Variants in AFF2 observed in about 807,000 individuals in gnomAD.
AFF2 encodes the protein ALF transcription elongation factor 2, also known as AF4/FMR2 family member 2.
Under a neutral mutation model 76.9 loss-of-function variants are expected in AFF2, and 14 were observed. That is an observed-to-expected ratio of 0.18 (90% CI 0.12 to 0.28). The LOEUF is 0.28. Among genes scored for constraint, AFF2 ranks in the 10% least tolerant of loss-of-function variants. The probability of loss-of-function intolerance (pLI) is 1.00; values close to 1 mark genes in which losing one functional copy is unlikely to be tolerated. For missense variants in AFF2, 868 were observed against 1,001.1 expected (o/e 0.87, Z 1.79); for synonymous variants, 398 against 366.7 (o/e 1.09, Z -0.98).
rs1409308889 is a variant in AFF2, at chrX:148,775,051, C to T, written c.1042-34825C>T. On this transcript the variant is annotated intron_variant, in intron 3 of 20. Transcript: ENST00000370460. ...TGTTTATTCATGCAAATGGATACAC[C>T]TTTAGTGAAAAGCTCTACAAAGTAG... is the stretch of plus-strand genomic sequence containing the variant. 7.2e-5 allele frequency among the ~76,000 whole-genome samples: 8 copies of T among 111,624 alleles called. No individual in the cohort carries two copies. In the East Asian group the frequency reaches 2.3e-3, roughly 32 times the overall value.
intron 1 of AFF2, among the ~76,000 whole-genome samples, chrX:148,577,479 T>C (rs2053303213): frequency 8.9e-6 from 1 of 112,244 alleles, no homozygotes; most frequent in African/African-American, 3.2e-5. Context: ...ACAACTGCAG[T>C]GTCTAAGGCT....
intron 16 of AFF2, among the ~76,000 whole-genome samples, chrX:148,975,943 CAAAAAA>C (rs59057839): frequency 8.8e-5 from 2 of 22,719 alleles, no homozygotes; most frequent in South Asian, 5.3e-3. Flanking sequence ...GACTCCGTCT[CAAAAAA>C]AAAAAAAAAA....
At chrX:148,684,686 T>C (rs1032751130) in intron 3 of AFF2, among the ~76,000 whole-genome samples, 13 of 112,033 alleles carry the variant, frequency 1.2e-4, no homozygotes, top group Non-Finnish European at 2.4e-4. Context: ...GCTCCTAAGA[T>C]TGCAAATGAA....
At chrX:148,942,693 G>A (rs1557285703) in intron 9 of AFF2, among the ~76,000 whole-genome samples, 1 of 110,283 alleles carries the variant, frequency 9.1e-6, no homozygotes, top group Non-Finnish European at 1.9e-5. Context: ...GCACACACTT[G>A]TGGTCCCAGC....
intron 7 of AFF2, among the ~76,000 whole-genome samples, chrX:148,884,324 C>T (rs1406568122): frequency 3.6e-5 from 4 of 112,368 alleles, no homozygotes; most frequent in African/African-American, 9.7e-5. Context: ...CCTCAGTGTA[C>T]ACATTCTAGT....
intron 1 of AFF2, among the ~76,000 whole-genome samples, chrX:148,517,977 C>T (rs141616622): frequency 9.6e-4 from 100 of 104,549 alleles, no homozygotes; most frequent in Non-Finnish European, 1.8e-3. Context: ...GAGCCAAGAT[C>T]GCGCCACTGC....
At chrX:148,631,902 A>G (rs1205662033) in intron 1 of AFF2, among the ~76,000 whole-genome samples, 1 of 111,966 alleles carries the variant, frequency 8.9e-6, no homozygotes, top group African/African-American at 3.2e-5. Context: ...GATATGTGCA[A>G]GGTTGCCAGG....
intron 3 of AFF2, among the ~76,000 whole-genome samples, chrX:148,715,652 A>G (rs1557263298): frequency 8.9e-6 from 1 of 111,944 alleles, no homozygotes; most frequent in Non-Finnish European, 1.9e-5. Context: ...CATTCTACTT[A>G]TAGACTTGAA....
In AFF2 at chrX:148,956,500, C is replaced by T. The variant is rs782095133; in HGVS notation, c.2455C>T (p.Leu819Phe). Reference sequence around the variant, plus strand: ...CTCTAGAGTACCTGGCCACAGCTCACTCCATGCAGCACCTGCCAAGCCAGA... The same window carrying T: ...CTCTAGAGTACCTGGCCACAGCTCATTCCATGCAGCACCTGCCAAGCCAGA... ...LLSRVPGHSSLHAAPAKPDHK... is the reference protein window; with the variant it reads ...LLSRVPGHSSFHAAPAKPDHK... The change falls in exon 11 of 21, where the codon CTC (leucine) becomes TTC (phenylalanine). Residue 819 changes from leucine to phenylalanine, a missense_variant. By Grantham distance (22) the Leu-to-Phe change is conservative. Transcript: ENST00000370460. 8 of 1,212,101 alleles carry T rather than the reference C, an allele frequency of 6.6e-6. No individual in the cohort carries two copies. In the South Asian group the frequency reaches 1.4e-4, roughly 21 times the overall value.
At chrX:148,968,378 C>T (rs1557289100) in intron 15 of AFF2, among the ~76,000 whole-genome samples, 1 of 111,639 alleles carries the variant, frequency 9.0e-6, no homozygotes, top group African/African-American at 3.3e-5. Flanking sequence ...TGATGCCTAG[C>T]CCATATCCCA....
intron 19 of AFF2, among the ~76,000 whole-genome samples, chrX:148,982,595 C>G (rs373076954): frequency 2.1e-4 from 24 of 112,239 alleles, no homozygotes; most frequent in African/African-American, 7.8e-4. Flanking sequence ...GAGCAGCACC[C>G]TCTGACTTCA....
At chrX:148,515,299 A>C (rs1252296307) in intron 1 of AFF2, among the ~76,000 whole-genome samples, 2 of 112,322 alleles carry the variant, frequency 1.8e-5, no homozygotes, top group African/African-American at 6.5e-5. Context: ...ATTTAAAAAA[A>C]TCCAAGGAGG....
At chrX:148,545,699 T>G (rs1254393437) in intron 1 of AFF2, among the ~76,000 whole-genome samples, 1 of 110,196 alleles carries the variant, frequency 9.1e-6, no homozygotes, top group East Asian at 2.9e-4. Context: ...CCACTGGTTT[T>G]CAAACTTTTG....
chrX:148,909,197 C>G (rs1557281761), intron 9 of AFF2, among the ~76,000 whole-genome samples: 2 of 112,091 alleles, frequency 1.8e-5, no homozygotes, highest in African/African-American at 3.2e-5. Context: ...CACTCACTAC[C>G]TTTGAAAATC....
At chrX:148,618,909 A>G (rs1422188878) in intron 1 of AFF2, among the ~76,000 whole-genome samples, 1 of 110,680 alleles carries the variant, frequency 9.0e-6, no homozygotes, top group Non-Finnish European at 1.9e-5. Context: ...ATGACCCTAG[A>G]CCCCACTGCC....
chrX:148,893,931 C>G (rs1447238242), intron 8 of AFF2, among the ~76,000 whole-genome samples: 1 of 111,592 alleles, frequency 9.0e-6, no homozygotes, highest in Non-Finnish European at 1.9e-5. Context: ...GTCCTTTCTT[C>G]ACTCAAACCC....
At chrX:148,590,289 A>G (rs1275737735) in intron 1 of AFF2, among the ~76,000 whole-genome samples, 2 of 110,270 alleles carry the variant, frequency 1.8e-5, no homozygotes, top group African/African-American at 6.6e-5. Flanking sequence ...CTTTTGTCTG[A>G]AGATCATATT....
At chrX:148,653,336 A>C (rs1454076032) in intron 2 of AFF2, among the ~76,000 whole-genome samples, 2 of 108,855 alleles carry the variant, frequency 1.8e-5, no homozygotes, top group Admixed American at 9.7e-5. Flanking sequence ...AAGGTCTACT[A>C]TGTGCTAGTC....
chrX:148,837,895 G>A (rs191503582), intron 5 of AFF2, among the ~76,000 whole-genome samples, 162 bp downstream of exon 5: 28 of 112,033 alleles, frequency 2.5e-4, no homozygotes, highest in African/African-American at 8.4e-4. Context: ...TTTATTGAAA[G>A]TGAGTCTTTA....
Sources: gnomAD v4.1 joint callset for allele counts (sites outside exome capture counted in the v4.1 genomes callset) on GRCh38, gnomAD v4.1.1 for gene constraint, MANE v1.5 for transcripts, NCBI Gene and HGNC (gene_info 2026-07-23, HGNC 2026-07-21) for gene names.